ASAP3: variants seen among roughly 807,000 people sequenced by gnomAD.
ASAP3 encodes ArfGAP with SH3 domain, ankyrin repeat and PH domain 3, also known as arf-GAP with SH3 domain, ANK repeat and PH domain-containing protein 3.
A neutral mutation model predicts 118.2 loss-of-function variants in ASAP3; 85 were observed. That is an observed-to-expected ratio of 0.72 (90% CI 0.60 to 0.86). ASAP3 has a LOEUF of 0.86. Among genes scored for constraint, ASAP3 ranks in the 40% least tolerant of loss-of-function variants. The pLI is 0.00. For missense variants in ASAP3, 1,026 were observed against 1,175.0 expected (o/e 0.87, Z 1.85); for synonymous variants, 432 against 477.4 (o/e 0.90, Z 1.24).
At chr1:23,449,235 T>A (rs559159637) in intron 5 of ASAP3, among the ~76,000 whole-genome samples, 28 of 152,324 alleles carry the variant, frequency 1.8e-4, no homozygotes. Flanking sequence ...AGGTGGTCAA[T>A]AAATACTTGC....
intron 17 of ASAP3, 105 bp from the exon 18 acceptor site, chr1:23,434,723 G>A (rs902962638): frequency 3.3e-5 from 37 of 1,117,078 alleles, no homozygotes; most frequent in Non-Finnish European, 4.3e-5. Context: ...CCCATAGGAA[G>A]CTGCCAGAAC....
chr1:23,462,694 G>A (rs1002416375), intron 1 of ASAP3, among the ~76,000 whole-genome samples: 4 of 152,134 alleles, frequency 2.6e-5, no homozygotes, highest in Admixed American at 1.3e-4. Flanking sequence ...GGGAGGCGGA[G>A]GCTGCAGTGA....
At chr1:23,474,729 C>G (rs973862069) in intron 1 of ASAP3, among the ~76,000 whole-genome samples, 1 of 152,074 alleles carries the variant, frequency 6.6e-6, no homozygotes, top group Non-Finnish European at 1.5e-5. Context: ...ACTACAGGTG[C>G]GTGCCACCAC....
At chr1:23,449,613 A>G (rs537307063) in intron 5 of ASAP3, among the ~76,000 whole-genome samples, 2 of 152,190 alleles carry the variant, frequency 1.3e-5, no homozygotes, top group African/African-American at 4.8e-5. Flanking sequence ...AGGAGTGTAC[A>G]GTCACCCGTG....
Position 23,430,282 on chromosome 1 carries a change from C to T in ASAP3, c.2638-352G>A, listed in dbSNP as rs934817081. Reference sequence around the variant, plus strand: ...TTCCCCAGACAGAACCAGCTTTTGCCCCTGCCATCCTGACTCCCAACACAA... The same window carrying T: ...TTCCCCAGACAGAACCAGCTTTTGCTCCTGCCATCCTGACTCCCAACACAA... On this transcript the variant is annotated intron_variant, in intron 24 of 24. Coordinates refer to ENST00000336689, the MANE Select transcript of ASAP3 (RefSeq NM_017707.4). Among the ~76,000 whole-genome samples, 4 of 152,272 alleles carry T rather than the reference C, an allele frequency of 2.6e-5. No individual in the cohort carries two copies. The East Asian group carries it at 7.7e-4, about 29-fold the overall frequency.
At chr1:23,471,477 T>C (rs1641959300) in intron 1 of ASAP3, among the ~76,000 whole-genome samples, 1 of 152,102 alleles carries the variant, frequency 6.6e-6, no homozygotes, top group Admixed American at 6.5e-5. Flanking sequence ...AACACAAAAC[T>C]CAGGATGTGG....
intron 1 of ASAP3, among the ~76,000 whole-genome samples, chr1:23,477,873 C>T (rs1332432763): frequency 1.3e-5 from 2 of 152,096 alleles, no homozygotes; most frequent in Non-Finnish European, 2.9e-5. Context: ...CCACTGCACC[C>T]GGCTGTGACT....
intron 5 of ASAP3, among the ~76,000 whole-genome samples, chr1:23,450,113 C>T (rs1641168230): frequency 1.3e-5 from 2 of 152,254 alleles, no homozygotes; most frequent in Non-Finnish European, 2.9e-5. Context: ...TCTATGCCCA[C>T]AGCTGGGGCT....
At chr1:23,441,066 A>T in intron 10 of ASAP3, 36 bp downstream of exon 10, 1 of 1,593,658 alleles carries the variant, frequency 6.3e-7, no homozygotes, top group Non-Finnish European at 8.6e-7. Flanking sequence ...TTGCAGTGTG[A>T]CATTGGGCAA....
chr1:23,455,904 C>A lies in ASAP3; in HGVS notation c.325G>T (p.Val109Phe). The change falls in exon 3 of 25, where the codon GTT (valine) becomes TTT (phenylalanine). Residue 109 changes from valine to phenylalanine, a missense_variant. Transcript: ENST00000336689. The stretch of plus-strand genomic sequence containing the variant: ...ACCAGGTTCTTGAAGAGCGCAGCAA[C>A]CTCGCGGGTGAACACGGCCAAGTTT... ...FLNLAVFTRE[V>F]AALFKNLIQN... 1 of 1,614,172 alleles carries A rather than the reference C, an allele frequency of 6.2e-7. No individual in the cohort carries two copies. The highest frequency in any genetic ancestry group is 1.6e-4 in the Middle Eastern group (1 of 6,062).
In ASAP3 at chr1:23,441,188, T is replaced by C. The variant is rs777204447; in HGVS notation, c.858A>G (p.Ser286=). ...SREEHLSRKN[S]GCGYSIHQHQ... ...GCTGGTGGATGCTATAGCCACATCC[T>C]GAGTTCTTCCGGCTCAGGTGTTCCT... The change falls in exon 10 of 25, where the codon TCA becomes TCG. Residue 286 remains serine (S), a synonymous_variant. Coordinates refer to ENST00000336689, the MANE Select transcript of ASAP3 (RefSeq NM_017707.4). 1.2e-6 allele frequency: 2 copies of C among 1,614,202 alleles called. No homozygotes were observed. Among genetic ancestry groups the C allele is most frequent in the Non-Finnish European group, 1.7e-6 (2 of 1,180,044 alleles).
intron 8 of ASAP3, 43 bp downstream of exon 8, chr1:23,441,612 A>G (rs1350669930): frequency 1.2e-6 from 2 of 1,611,168 alleles, no homozygotes; most frequent in East Asian, 4.5e-5. Flanking sequence ...TCCTGGAAGG[A>G]CAGGGGGCTT....
rs754516055 is a variant in ASAP3 at position 23,434,567 on chromosome 1, A to C, written c.1801T>G (p.Ser601Ala). 6.2e-7 allele frequency: 1 copy of C among 1,614,126 alleles called. No individual in the cohort carries two copies. The highest frequency in any genetic ancestry group is 8.5e-7 in the Non-Finnish European group (1 of 1,180,022). The change falls in exon 18 of 25, where the codon TCC (serine) becomes GCC (alanine). Residue 601 changes from serine (S) to alanine (A), a missense_variant. Coordinates refer to ENST00000336689, the MANE Select transcript of ASAP3 (RefSeq NM_017707.4). ...HLAVKVANQA[S>A]LPLVDFIIQN... ...ATGATGAAATCCACCAGAGGCAGGG[A>C]AGCCTGGTTGGCGACTTTGACAGCC...
upstream of ASAP3, chr1:23,484,500 T>G: frequency 9.7e-6 from 1 of 102,790 alleles, no homozygotes; most frequent in Non-Finnish European, 1.8e-5. Flanking sequence ...CTCCTCCGCC[T>G]TCCCCCATCC....
At chr1:23,444,240 C>A (rs1640974942) in intron 5 of ASAP3, among the ~76,000 whole-genome samples, 1 of 152,136 alleles carries the variant, frequency 6.6e-6, no homozygotes. Flanking sequence ...TGGGGCCTTC[C>A]CCCTCAGAGG....
At chr1:23,435,732 G>A (rs1558112921) in intron 17 of ASAP3, 119 bp downstream of exon 17, 2 of 1,169,734 alleles carry the variant, frequency 1.7e-6, no homozygotes, top group East Asian at 2.4e-5. Flanking sequence ...CCACTCTGAT[G>A]GGTGAGATCT....
intron 4 of ASAP3, 21 bp downstream of exon 4, chr1:23,452,676 A>C (rs1570368557): frequency 6.2e-7 from 1 of 1,606,236 alleles, no homozygotes; most frequent in Non-Finnish European, 8.5e-7. Flanking sequence ...TCCCACCACC[A>C]CTCCCAGCAT....
intron 1 of ASAP3, among the ~76,000 whole-genome samples, chr1:23,483,403 A>T (rs1642374279): frequency 6.6e-6 from 1 of 152,240 alleles, no homozygotes; most frequent in South Asian, 2.1e-4. Context: ...TGCAAGACCG[A>T]AAGAAAAGGC....
rs1195332557 is a variant in ASAP3 at position 23,436,991 on chromosome 1, C to T, written c.1396G>A (p.Gly466Ser). Reference protein sequence around the residue: ...LGVLTCIQCSGVHRELGVRFS... With the variant: ...LGVLTCIQCSSVHRELGVRFS... Reference sequence around the variant, plus strand: ...CGCACGCCCAGTTCGCGGTGGACGCCCGAGCACTGGATGCAGGTGAGCACG... The same window carrying T: ...CGCACGCCCAGTTCGCGGTGGACGCTCGAGCACTGGATGCAGGTGAGCACG... Residue 466 changes from glycine to serine, a missense_variant, in exon 15 of 25, where the codon GGC (glycine) becomes AGC (serine). Physicochemically the swap from Gly to Ser is moderately conservative, Grantham distance 56. Coordinates refer to ENST00000336689, the MANE Select transcript of ASAP3 (RefSeq NM_017707.4). This position sits in a 1 kb window ranked among gnomAD's most constrained non-coding sequence, Gnocchi z 4.2. 4 of 1,612,332 alleles carry T rather than the reference C, an allele frequency of 2.5e-6. No homozygotes were observed. The highest frequency in any genetic ancestry group is 3.4e-6 in the Non-Finnish European group (4 of 1,179,668).
Sources: gnomAD v4.1 joint callset for allele counts (sites outside exome capture counted in the v4.1 genomes callset) on GRCh38, gnomAD v4.1.1 for gene constraint, Gnocchi (gnomAD v3.1) non-coding constraint, MANE v1.5 for transcripts, NCBI Gene and HGNC (gene_info 2026-07-23, HGNC 2026-07-21) for gene names.